The following PVT1 variants were observed in gnomAD, a reference collection of about 807,000 sequenced individuals.
PVT1 encodes CXCR4/PVT1 fusion.
chr8:127,957,151 T>C (rs1816579484), intron 3 of PVT1, among the ~76,000 whole-genome samples: 1 of 152,160 alleles, frequency 6.6e-6, no homozygotes, highest in Admixed American at 6.5e-5. Flanking sequence ...GCCAAGTCAC[T>C]TGCCCCAGGT....
intron 3 of PVT1, among the ~76,000 whole-genome samples, chr8:127,986,507 C>T (rs939797468): frequency 2.0e-5 from 3 of 152,334 alleles, no homozygotes; most frequent in Admixed American, 2.0e-4. Flanking sequence ...GGGAGGATAG[C>T]CAGAGGGTCT....
chr8:128,094,734 T>C (rs1017933985), intron 5 of PVT1, among the ~76,000 whole-genome samples: 1 of 152,236 alleles, frequency 6.6e-6, no homozygotes, highest in African/African-American at 2.4e-5. Flanking sequence ...CAGAGGGCTC[T>C]TTTATTTCAG....
intron 3 of PVT1, among the ~76,000 whole-genome samples, chr8:127,966,168 A>G (rs1471253228): frequency 3.9e-5 from 6 of 152,172 alleles, no homozygotes. Flanking sequence ...CGTCTAAGAG[A>G]ATGCAAACGT....
At chr8:127,950,214 A>T (rs946581825) in intron 3 of PVT1, among the ~76,000 whole-genome samples, 1 of 152,246 alleles carries the variant, frequency 6.6e-6, no homozygotes, top group Non-Finnish European at 1.5e-5. Flanking sequence ...AACCGCAGAA[A>T]GCAGCTCACC....
At chr8:128,062,059 T>C (rs1191773690) in intron 4 of PVT1, among the ~76,000 whole-genome samples, 1 of 152,208 alleles carries the variant, frequency 6.6e-6, no homozygotes, top group Non-Finnish European at 1.5e-5. Flanking sequence ...TCTTAATTGA[T>C]GTGATTAACT....
chr8:127,827,888 C>T (rs1218293341), intron 2 of PVT1, among the ~76,000 whole-genome samples: 1 of 152,158 alleles, frequency 6.6e-6, no homozygotes, highest in Non-Finnish European at 1.5e-5. Flanking sequence ...CCGTATTTCC[C>T]TCAGCACCGT....
chr8:128,070,856 C>G (rs966950212), intron 5 of PVT1, among the ~76,000 whole-genome samples: 1 of 152,138 alleles, frequency 6.6e-6, no homozygotes, highest in African/African-American at 2.4e-5. Flanking sequence ...TTGCTATCTC[C>G]CTTGTCCCTG....
chr8:127,826,914 T>C (rs1454127385), intron 2 of PVT1, among the ~76,000 whole-genome samples: 1 of 152,104 alleles, frequency 6.6e-6, no homozygotes, highest in Non-Finnish European at 1.5e-5. Flanking sequence ...AAAATCTCTG[T>C]TGGTTTTGTA....
intron 3 of PVT1, among the ~76,000 whole-genome samples, chr8:127,922,837 A>G (rs1345137342): frequency 6.6e-6 from 1 of 152,148 alleles, no homozygotes; most frequent in Non-Finnish European, 1.5e-5. Context: ...GATTCTGGCA[A>G]CCTCTTACCG....
intron 3 of PVT1, among the ~76,000 whole-genome samples, chr8:127,978,056 C>T (rs1816840528): frequency 6.6e-6 from 1 of 152,208 alleles, no homozygotes. Flanking sequence ...TTGCTCTTCT[C>T]TTCTCTTGCA....
chr8:128,067,634 G>A (rs1051582730), intron 4 of PVT1, among the ~76,000 whole-genome samples: 1 of 152,188 alleles, frequency 6.6e-6, no homozygotes, highest in African/African-American at 2.4e-5. Context: ...CCAGAAGGAG[G>A]TGTGGGGATT....
intron 5 of PVT1, among the ~76,000 whole-genome samples, chr8:128,092,407 A>G (rs1213268626): frequency 6.6e-6 from 1 of 152,054 alleles, no homozygotes; most frequent in Non-Finnish European, 1.5e-5. Flanking sequence ...TGTCCATACT[A>G]TTAGGTTGGT....
At chr8:127,977,222 G>A (rs1217819793) in intron 3 of PVT1, among the ~76,000 whole-genome samples, 1 of 152,120 alleles carries the variant, frequency 6.6e-6, no homozygotes, top group Non-Finnish European at 1.5e-5. Flanking sequence ...TCAGAAATAA[G>A]GATGTGCAGT....
chr8:128,029,144 A>T (rs112214496), intron 4 of PVT1, among the ~76,000 whole-genome samples: 21,036 of 150,978 alleles, frequency 0.14, 1,762 homozygotes, highest in South Asian at 0.26. Context: ...ATGGCTGGCT[A>T]ATTTTTTATT....
intron 3 of PVT1, among the ~76,000 whole-genome samples, chr8:127,973,980 G>GA (rs34219434): frequency 0.18 from 25,024 of 139,778 alleles, 2,812 homozygotes; most frequent in African/African-American, 0.33. Context: ...CTCCGTCTCA[G>GA]AAAAAAAAAA....
In PVT1 at chr8:127,908,495, C is replaced by T. The variant is rs563210245; in HGVS notation, n.782+17497C>T. Among the ~76,000 whole-genome samples the T allele has an allele frequency of 5.5e-4, 84 of 152,112 alleles. No homozygotes were observed. The Middle Eastern group carries it at 0.01, about 18-fold the overall frequency. On this transcript the variant is annotated intron_variant and non_coding_transcript_variant, in intron 3 of 10. Transcript: ENST00000651587. ...TAGCTGGGATTACAGGGTTGTGCCA[C>T]CACGCCCGGCTAATTTTTGTATTTT...
At chr8:127,810,317 G>A (rs887746937) in intron 2 of PVT1, among the ~76,000 whole-genome samples, 3 of 152,256 alleles carry the variant, frequency 2.0e-5, no homozygotes, top group African/African-American at 7.2e-5. Flanking sequence ...GAAAAGCCAA[G>A]GAGCATCCTG....
intron 2 of PVT1, among the ~76,000 whole-genome samples, chr8:127,878,624 T>G (rs1815431354): frequency 6.6e-6 from 1 of 152,226 alleles, no homozygotes; most frequent in South Asian, 2.1e-4. Context: ...AAATTACTGT[T>G]GCTATTCCTT....
chr8:128,027,064 C>A (rs548911073), intron 4 of PVT1, among the ~76,000 whole-genome samples: 1 of 152,298 alleles, frequency 6.6e-6, no homozygotes, highest in Admixed American at 6.5e-5. Flanking sequence ...CCCCTGCTTC[C>A]ATTTATGTGT....
Sources: allele counts gnomAD v4.1 joint callset (sites outside exome capture counted in the v4.1 genomes callset), GRCh38; gene constraint gnomAD v4.1.1; transcripts MANE v1.5; gene names NCBI Gene and HGNC (gene_info 2026-07-23, HGNC 2026-07-21).